Variants in IMMP1L observed in about 807,000 individuals in gnomAD.
IMMP1L encodes inner mitochondrial membrane peptidase subunit 1.
IMMP1L carries 24 observed loss-of-function variants against 21.8 expected under a neutral mutation model. The ratio of observed to expected loss-of-function variants is 1.10; its 90% CI spans 0.80 to 1.55. IMMP1L has a LOEUF of 1.55. Ranked by LOEUF, IMMP1L falls within the 40% of genes most tolerant of loss-of-function variation. IMMP1L has a pLI of 0.00. For missense variants in IMMP1L, 195 were observed against 200.7 expected (o/e 0.97, Z 0.17); for synonymous variants, 46 against 62.8 (o/e 0.73, Z 1.26).
chr11:31,443,178 C>T (rs545453257), intron 4 of IMMP1L, among the ~76,000 whole-genome samples: 93 of 152,128 alleles, frequency 6.1e-4, no homozygotes, highest in African/African-American at 2.1e-3. Context: ...ATCCTATGCA[C>T]ACTATTAGAG....
chr11:31,455,392 C>A (rs1229852541), intron 4 of IMMP1L, among the ~76,000 whole-genome samples: 5 of 152,056 alleles, frequency 3.3e-5, no homozygotes. Flanking sequence ...AAACAAAAGG[C>A]CATCTCTTCC....
intron 1 of IMMP1L, among the ~76,000 whole-genome samples, chr11:31,499,225 C>T (rs1341741935): frequency 6.6e-6 from 1 of 151,970 alleles, no homozygotes; most frequent in Admixed American, 6.6e-5. Flanking sequence ...ATTAGCTGGG[C>T]GTGGTGGCGG....
chr11:31,456,134 A>T, intron 4 of IMMP1L, 126 bp downstream of exon 4: 1 of 592,978 alleles, frequency 1.7e-6, no homozygotes, highest in Non-Finnish European at 2.7e-6. Context: ...ATAAACATTT[A>T]AATTCTACTG....
intron 1 of IMMP1L, chr11:31,476,981 A>C (rs566953211): frequency 6.6e-6 from 1 of 152,146 alleles, no homozygotes; most frequent in Non-Finnish European, 1.5e-5. Flanking sequence ...CTGATTTTTA[A>C]AAATAAGTCA....
chr11:31,467,651 T>C (rs1450825993), intron 1 of IMMP1L, among the ~76,000 whole-genome samples: 10 of 151,946 alleles, frequency 6.6e-5, no homozygotes, highest in Admixed American at 5.9e-4. Context: ...AGCTAATAAA[T>C]GTAGAAGGAA....
chr11:31,505,119 G>A (rs1181268444), intron 1 of IMMP1L, among the ~76,000 whole-genome samples: 1 of 152,134 alleles, frequency 6.6e-6, no homozygotes, highest in African/African-American at 2.4e-5. Context: ...CAGGGCTAGT[G>A]AAGCCACTGA....
intron 4 of IMMP1L, among the ~76,000 whole-genome samples, chr11:31,446,886 G>A (rs989648898): frequency 6.6e-6 from 1 of 152,018 alleles, no homozygotes; most frequent in African/African-American, 2.4e-5. Context: ...AAGTTACACT[G>A]TCCAATATGG....
intron 4 of IMMP1L, 174 bp from the exon 5 acceptor site, chr11:31,433,744 T>C (rs1953007541): frequency 2.2e-6 from 1 of 445,006 alleles, no homozygotes; most frequent in Non-Finnish European, 4.0e-6. Context: ...TAACTTTTAC[T>C]AAATATCAAA....
intron 1 of IMMP1L, among the ~76,000 whole-genome samples, chr11:31,478,689 T>C (rs1954798411): frequency 1.3e-5 from 2 of 152,116 alleles, no homozygotes; most frequent in Admixed American, 1.3e-4. Context: ...TTAGAAAATG[T>C]GAAAAACTCA....
At chr11:31,473,340 C>A (rs946477911) in intron 1 of IMMP1L, among the ~76,000 whole-genome samples, 1 of 152,142 alleles carries the variant, frequency 6.6e-6, no homozygotes, top group Non-Finnish European at 1.5e-5. Context: ...TGAGCCACTG[C>A]GCCCGGCCCC....
intron 1 of IMMP1L, among the ~76,000 whole-genome samples, chr11:31,491,473 A>G (rs555977961): frequency 2.0e-5 from 3 of 152,346 alleles, no homozygotes; most frequent in African/African-American, 4.8e-5. Context: ...AATGGGTTCT[A>G]CTATGTGGCA....
intron 3 of IMMP1L, among the ~76,000 whole-genome samples, chr11:31,459,086 A>G (rs1403705234): frequency 1.3e-5 from 2 of 152,186 alleles, no homozygotes; most frequent in Non-Finnish European, 2.9e-5. Flanking sequence ...GAGCAACAAC[A>G]CAATCTATTA....
chr11:31,456,850 T>C (rs1463986670), intron 3 of IMMP1L, among the ~76,000 whole-genome samples: 2 of 108,100 alleles, frequency 1.9e-5, no homozygotes, highest in Admixed American at 1.5e-4. Flanking sequence ...CGTGCCACCA[T>C]GGGCAACAGA....
intron 1 of IMMP1L, among the ~76,000 whole-genome samples, chr11:31,484,935 T>G (rs1955023869): frequency 6.6e-6 from 1 of 151,858 alleles, no homozygotes; most frequent in African/African-American, 2.4e-5. Flanking sequence ...AAAACAAACC[T>G]CATATAAACT....
intron 1 of IMMP1L, among the ~76,000 whole-genome samples, chr11:31,483,635 T>C (rs2133761923): frequency 6.6e-6 from 1 of 152,092 alleles, no homozygotes; most frequent in Non-Finnish European, 1.5e-5. Context: ...GGACTGAAGA[T>C]TTGCCTTTAT....
intron 1 of IMMP1L, among the ~76,000 whole-genome samples, chr11:31,487,984 C>T (rs1955138629): frequency 6.6e-6 from 1 of 152,088 alleles, no homozygotes; most frequent in Non-Finnish European, 1.5e-5. Context: ...TTAGTGGGTC[C>T]AACTAACCAG....
At chr11:31,489,823 G>A (rs767785842) in intron 1 of IMMP1L, among the ~76,000 whole-genome samples, 3 of 151,178 alleles carry the variant, frequency 2.0e-5, no homozygotes, top group South Asian at 2.1e-4. Context: ...TAAATATATC[G>A]TTTCATCCAC....
At chr11:31,452,948 C>T (rs1953807003) in intron 4 of IMMP1L, 1 of 720,284 alleles carries the variant, frequency 1.4e-6, no homozygotes, top group African/African-American at 1.9e-5. Context: ...GACAGGGTTT[C>T]ACCATGCTGG....
At chr11:31,503,300 A>T (rs1482589822) in intron 1 of IMMP1L, among the ~76,000 whole-genome samples, 1 of 152,344 alleles carries the variant, frequency 6.6e-6, no homozygotes. Context: ...TATATTAGAA[A>T]AGGCAGAAAA....
Sources: gnomAD v4.1 joint callset for allele counts (sites outside exome capture counted in the v4.1 genomes callset) on GRCh38, gnomAD v4.1.1 for gene constraint, MANE v1.5 for transcripts, NCBI Gene and HGNC (gene_info 2026-07-23, HGNC 2026-07-21) for gene names.